Variants in TENM3 observed in about 807,000 individuals in gnomAD.
The protein encoded by TENM3 is teneurin transmembrane protein 3, also known as teneurin-3.
A neutral mutation model predicts 255.1 loss-of-function variants in TENM3; 63 were observed. The observed-to-expected ratio is 0.25, with a 90% CI of 0.20 to 0.30. The LOEUF (loss-of-function observed/expected upper bound fraction) is 0.30, where lower values mean the gene tolerates loss of function less well. TENM3 is among the 10% of genes least tolerant of loss of function. The probability of loss-of-function intolerance (pLI) is 1.00; values close to 1 mark genes in which losing one functional copy is unlikely to be tolerated. For missense variants in TENM3, 2,929 were observed against 3,461.1 expected, an observed-to-expected ratio of 0.85 and a Z score of 3.86; for synonymous variants, 1,306 against 1,322.3, an observed-to-expected ratio of 0.99 and a Z score of 0.27.
intron 1 of TENM3, among the ~76,000 whole-genome samples, chr4:182,205,436 G>T (rs1014980040): frequency 6.6e-6 from 1 of 152,150 alleles, no homozygotes; most frequent in Non-Finnish European, 1.5e-5. Flanking sequence ...CCTCTGACAC[G>T]CCCCTCTCCC....
chr4:182,558,404 C>T (rs1036131208), intron 3 of TENM3, among the ~76,000 whole-genome samples: 1 of 152,132 alleles, frequency 6.6e-6, no homozygotes, highest in African/African-American at 2.4e-5. Flanking sequence ...CATCAGGCCT[C>T]ATGAAATTCA....
intron 24 of TENM3, among the ~76,000 whole-genome samples, chr4:182,785,399 A>C (rs1234584445): frequency 1.3e-5 from 2 of 151,832 alleles, no homozygotes; most frequent in East Asian, 3.9e-4. Context: ...ATAATAATTA[A>C]AAATATTTAT....
At chr4:182,226,299 G>A (rs868197396) in intron 1 of TENM3, among the ~76,000 whole-genome samples, 1 of 152,106 alleles carries the variant, frequency 6.6e-6, no homozygotes, top group African/African-American at 2.4e-5. Flanking sequence ...ATGAATGCAC[G>A]CAGAGCTAGC....
intron 1 of TENM3, among the ~76,000 whole-genome samples, chr4:182,281,529 GT>G (rs921520805): frequency 6.6e-6 from 1 of 151,478 alleles, no homozygotes; most frequent in African/African-American, 2.4e-5. Flanking sequence ...GGTGGTGGTG[GT>G]TTTTTTTGAG....
intron 1 of TENM3, among the ~76,000 whole-genome samples, chr4:182,226,076 A>G (rs1219513381): frequency 6.6e-6 from 1 of 152,082 alleles, no homozygotes; most frequent in Non-Finnish European, 1.5e-5. Flanking sequence ...TTCTTATTCC[A>G]TCCATTTCCT....
chr4:182,241,610 T>G (rs1387788691), upstream of TENM3, among the ~76,000 whole-genome samples: 5 of 148,626 alleles, frequency 3.4e-5, no homozygotes, highest in African/African-American at 1.3e-4. Flanking sequence ...GCCTCTCAGG[T>G]TCAGGCCTCC....
the TENM3 span, among the ~76,000 whole-genome samples, chr4:181,460,575 G>T: frequency 7.2e-6 from 1 of 139,838 alleles, no homozygotes; most frequent in South Asian, 2.2e-4. Context: ...CATTTGCCCA[G>T]ATATTTTTTC....
chr4:181,722,860 G>A, the TENM3 span, among the ~76,000 whole-genome samples: 1 of 152,064 alleles, frequency 6.6e-6, no homozygotes, highest in African/African-American at 2.4e-5. Context: ...GGAAGTCACT[G>A]GGAAAAGCCA....
At chr4:182,061,786 C>T in the TENM3 span, among the ~76,000 whole-genome samples, 1 of 151,930 alleles carries the variant, frequency 6.6e-6, no homozygotes, top group African/African-American at 2.4e-5. Context: ...CAGGGAGACA[C>T]CATCTCTACA....
chr4:182,164,367 A>C (rs1751567596), intron 1 of TENM3, among the ~76,000 whole-genome samples: 3 of 152,160 alleles, frequency 2.0e-5, no homozygotes, highest in African/African-American at 7.2e-5. Context: ...CCCACTCATC[A>C]CATTGTCTAG....
chr4:182,563,004 G>T (rs1168936786), intron 3 of TENM3, among the ~76,000 whole-genome samples: 5 of 151,902 alleles, frequency 3.3e-5, no homozygotes, highest in Non-Finnish European at 7.4e-5. Context: ...TTTTCCTAAG[G>T]CACCATGTAC....
At chr4:182,370,013 T>C (rs1411207208) in intron 3 of TENM3, among the ~76,000 whole-genome samples, 1 of 152,248 alleles carries the variant, frequency 6.6e-6, no homozygotes, top group Non-Finnish European at 1.5e-5. Context: ...GTTCACCTGG[T>C]GTCACTGGGT....
intron 1 of TENM3, among the ~76,000 whole-genome samples, chr4:182,291,376 G>A (rs537677892): frequency 6.6e-6 from 1 of 152,282 alleles, no homozygotes; most frequent in South Asian, 2.1e-4. Context: ...AAAGAGCCTG[G>A]TATGTGGGGA....
chr4:182,610,684 A>G (rs1748905508), intron 4 of TENM3, among the ~76,000 whole-genome samples: 1 of 148,710 alleles, frequency 6.7e-6, no homozygotes, highest in South Asian at 2.1e-4. Flanking sequence ...CCCTCTCTCT[A>G]TTTTTTTCTC....
At chr4:181,525,546 T>G in the TENM3 span, among the ~76,000 whole-genome samples, 1 of 152,108 alleles carries the variant, frequency 6.6e-6, no homozygotes, top group Non-Finnish European at 1.5e-5. Context: ...AGACCTCAAT[T>G]GTGTATCATT....
intron 5 of TENM3, among the ~76,000 whole-genome samples, chr4:182,645,641 G>A (rs1251448446): frequency 6.6e-6 from 1 of 152,156 alleles, no homozygotes; most frequent in Non-Finnish European, 1.5e-5. Flanking sequence ...CTCAGCTGGT[G>A]CTGCAGGATG....
chr4:181,830,418 T>G, the TENM3 span, among the ~76,000 whole-genome samples: 1 of 152,150 alleles, frequency 6.6e-6, no homozygotes, highest in Admixed American at 6.5e-5. Flanking sequence ...TACAGGTATG[T>G]GCCATCATGC....
chr4:181,619,635 C>T, the TENM3 span, among the ~76,000 whole-genome samples: 1,438 of 152,070 alleles, frequency 9.5e-3, 27 homozygotes, highest in African/African-American at 0.033. Flanking sequence ...CACCATGTTG[C>T]TCAGGCTGGT....
chr4:182,724,687 A>C (rs1157952927), intron 13 of TENM3, among the ~76,000 whole-genome samples: 2 of 152,214 alleles, frequency 1.3e-5, no homozygotes, highest in African/African-American at 4.8e-5. Context: ...CTCTTTGGCA[A>C]CTGTACCATC....
Sources: allele counts gnomAD v4.1 joint callset (sites outside exome capture counted in the v4.1 genomes callset), GRCh38; gene constraint gnomAD v4.1.1; transcripts MANE v1.5; gene names NCBI Gene and HGNC (gene_info 2026-07-23, HGNC 2026-07-21).